Variants in SERINC5 observed in about 807,000 individuals in gnomAD.
The protein encoded by SERINC5 is serine incorporator 5.
SERINC5 carries 41 observed loss-of-function variants against 63.1 expected under a neutral mutation model. That is an observed-to-expected ratio of 0.65 (90% confidence interval 0.51 to 0.84). SERINC5 has a LOEUF of 0.84. SERINC5 is among the 40% of genes least tolerant of loss of function. The pLI is 0.00. For missense variants in SERINC5, 523 were observed against 573.0 expected, an observed-to-expected ratio of 0.91 and a Z score of 0.89; for synonymous variants, 222 against 215.2, an observed-to-expected ratio of 1.03 and a Z score of -0.28.
downstream of SERINC5, among the ~76,000 whole-genome samples, chr5:80,136,176 G>A (rs967529176): frequency 3.9e-5 from 6 of 152,066 alleles, no homozygotes; most frequent in African/African-American, 7.2e-5. Context: ...CCAAGCCCTC[G>A]GGAGGCTGGG....
chr5:80,162,925 G>A (rs1747040537), intron 7 of SERINC5, among the ~76,000 whole-genome samples: 1 of 151,532 alleles, frequency 6.6e-6, no homozygotes, highest in Non-Finnish European at 1.5e-5. Context: ...TGGCTAGTGA[G>A]CCAAGATCCC....
chr5:80,241,788 A>T (rs911638583), intron 1 of SERINC5, among the ~76,000 whole-genome samples: 4 of 152,192 alleles, frequency 2.6e-5, no homozygotes, highest in African/African-American at 9.7e-5. Context: ...CAAACATATG[A>T]GTAATTACAT....
chr5:80,137,139 C>CAAAAA (rs869035894), downstream of SERINC5, among the ~76,000 whole-genome samples: 53 of 67,688 alleles, frequency 7.8e-4, no homozygotes, highest in African/African-American at 1.9e-3. Flanking sequence ...GACCCTGTCT[C>CAAAAA]AAAAAAAAAA....
At chr5:80,137,317 A>T (rs1389232801), downstream of SERINC5, among the ~76,000 whole-genome samples, 4 of 152,174 alleles carry the variant, frequency 2.6e-5, no homozygotes, top group African/African-American at 9.6e-5. Context: ...GCCAAGATAT[A>T]GAATCAGCCC....
At chr5:80,130,706 C>A (rs1744912166) in intron 11 of SERINC5, among the ~76,000 whole-genome samples, 1 of 152,160 alleles carries the variant, frequency 6.6e-6, no homozygotes, top group African/African-American at 2.4e-5. Flanking sequence ...TTTAAAAGTC[C>A]TTCACAAGGC....
chr5:80,230,711 G>A (rs1051688108), intron 1 of SERINC5, among the ~76,000 whole-genome samples: 1 of 152,260 alleles, frequency 6.6e-6, no homozygotes, highest in East Asian at 1.9e-4. Context: ...TGGACTCTAG[G>A]AAATAAATTG....
chr5:80,166,668 C>T (rs564954777), intron 6 of SERINC5, 190 bp from the exon 7 acceptor site: 7 of 470,840 alleles, frequency 1.5e-5, no homozygotes, highest in African/African-American at 5.9e-5. Flanking sequence ...GAGAGTTACA[C>T]GCTGAACTGA....
chr5:80,255,541 G>C (rs1752622480), intron 1 of SERINC5, among the ~76,000 whole-genome samples: 1 of 152,178 alleles, frequency 6.6e-6, no homozygotes, highest in African/African-American at 2.4e-5. Context: ...AAGCAGAGTG[G>C]AGAGGGCTAC....
chr5:80,187,314 G>A (rs1272143643), intron 2 of SERINC5, among the ~76,000 whole-genome samples: 2 of 152,200 alleles, frequency 1.3e-5, no homozygotes, highest in Admixed American at 1.3e-4. Context: ...AGATTTGCAA[G>A]TTCTGTTTAA....
At position 80,177,914 on chromosome 5, in the gene SERINC5, T is replaced by C. The variant is rs1748142498; in HGVS notation, c.346A>G (p.Lys116Glu). The C allele has an allele frequency of 3.1e-6, 5 of 1,610,928 alleles. No individual in the cohort carries two copies. The highest frequency in any genetic ancestry group is 4.2e-6 in the Non-Finnish European group (5 of 1,178,896). Reference protein sequence around the residue: ...CLLTLKINNSKSCRAHIHNGF... With the variant: ...CLLTLKINNSESCRAHIHNGF... ...TTGTGAATATGAGCTCTACAACTTT[T>C]GCTGTTGTTGATTTTCAAGGTCAGT... Residue 116 changes from lysine to glutamate, a missense_variant, in exon 3 of 12, where the codon AAA becomes GAA. By Grantham distance (56) the Lys-to-Glu change is moderately conservative (BLOSUM62 1). Coordinates refer to ENST00000507668, the MANE Select transcript of SERINC5 (RefSeq NM_001174072.3).
chr5:80,217,022 A>G (rs1307808543), intron 1 of SERINC5, among the ~76,000 whole-genome samples: 1 of 152,150 alleles, frequency 6.6e-6, no homozygotes, highest in Non-Finnish European at 1.5e-5. Flanking sequence ...AAAAAAACAA[A>G]TAAAATAAAA....
At chr5:80,149,269 G>C (rs1049349404) in intron 9 of SERINC5, among the ~76,000 whole-genome samples, 1 of 152,164 alleles carries the variant, frequency 6.6e-6, no homozygotes, top group Non-Finnish European at 1.5e-5. Context: ...CTAGTCAATG[G>C]TGAGAATAAA....
At chr5:80,145,740 C>G (rs556511158) in intron 11 of SERINC5, among the ~76,000 whole-genome samples, 1 of 152,170 alleles carries the variant, frequency 6.6e-6, no homozygotes, top group South Asian at 2.1e-4. Context: ...TGTTAAAACT[C>G]AGAACTCGCT....
chr5:80,134,941 G>C (rs1019130698), downstream of SERINC5, among the ~76,000 whole-genome samples: 3 of 152,352 alleles, frequency 2.0e-5, no homozygotes, highest in Non-Finnish European at 4.4e-5. Context: ...GTTTTTAAGA[G>C]AACTGAACTA....
At chr5:80,167,453 T>C (rs1458129299) in intron 6 of SERINC5, among the ~76,000 whole-genome samples, 1 of 152,228 alleles carries the variant, frequency 6.6e-6, no homozygotes, top group East Asian at 1.9e-4. Context: ...ATAGATTCCA[T>C]AGTGTATATG....
chr5:80,194,388 C>CA (rs1264652894), intron 2 of SERINC5, among the ~76,000 whole-genome samples: 3 of 152,188 alleles, frequency 2.0e-5, no homozygotes, highest in African/African-American at 7.2e-5. Context: ...GACTCTCCAG[C>CA]TTCAGCATGA....
At chr5:80,212,670 G>C (rs571802020) in intron 1 of SERINC5, among the ~76,000 whole-genome samples, 47 of 141,008 alleles carry the variant, frequency 3.3e-4, no homozygotes, top group African/African-American at 1.1e-3. Context: ...TGGGGTGGGG[G>C]GGGGGTGTTG....
downstream of SERINC5, among the ~76,000 whole-genome samples, chr5:80,111,281 T>C (rs1194997842): frequency 1.7e-4 from 26 of 152,188 alleles, no homozygotes; most frequent in Non-Finnish European, 1.2e-4. Context: ...GTGCTCAAAA[T>C]TCTCTCGGCC....
intron 1 of SERINC5, among the ~76,000 whole-genome samples, chr5:80,245,110 T>G (rs965100106): frequency 6.6e-6 from 1 of 152,238 alleles, no homozygotes; most frequent in Non-Finnish European, 1.5e-5. Context: ...CCCTGTTGGC[T>G]ACAGGGAATG....
Sources: allele counts gnomAD v4.1 joint callset (sites outside exome capture counted in the v4.1 genomes callset), GRCh38; gene constraint gnomAD v4.1.1; transcripts MANE v1.5; gene names NCBI Gene and HGNC (gene_info 2026-07-23, HGNC 2026-07-21).